C6orf89: variants seen among roughly 807,000 people sequenced by gnomAD.
C6orf89 encodes chromosome 6 open reading frame 89, also known as bombesin receptor-activated protein C6orf89.
A neutral mutation model predicts 40.7 loss-of-function variants in C6orf89; 29 were observed. The ratio of observed to expected loss-of-function variants is 0.71; its 90% confidence interval spans 0.53 to 0.97. The LOEUF is 0.97. Ranked by LOEUF, C6orf89 falls within the 50% of genes least tolerant of loss-of-function variation. The probability of loss-of-function intolerance (pLI) is 0.00; values close to 1 mark genes in which losing one functional copy is unlikely to be tolerated. For synonymous variants in C6orf89, 165 were observed against 152.2 expected, an observed-to-expected ratio of 1.08 and a Z score of -0.62; for missense variants, 392 against 429.1, an observed-to-expected ratio of 0.91 and a Z score of 0.76.
rs1239476567 is a variant in C6orf89, at chr6:36,928,636, A to G, written c.*5195A>G. ...CACCCTGGGGAAGGGTCAGTAACCA[A>G]TGCCGAGGGTCGGGGAAGGAGGAGT... On this transcript the variant is annotated 3_prime_UTR_variant, in exon 9 of 9. Coordinates refer to ENST00000480824, the MANE Select transcript of C6orf89 (RefSeq NM_001286635.2). 1 of 152,248 alleles carries G rather than the reference A, an allele frequency of 6.6e-6. No homozygotes were observed. The highest frequency in any genetic ancestry group is 1.5e-5 in the Non-Finnish European group (1 of 68,106). 9.4% of individuals were successfully genotyped at this position (152,248 alleles called of 1,614,324 possible). A position where few individuals can be genotyped will look rare whatever the true frequency, so the allele number is the denominator to read the frequency against.
intron 1 of C6orf89, among the ~76,000 whole-genome samples, chr6:36,889,582 CA>C (rs58417436): frequency 4.5e-4 from 63 of 140,288 alleles, no homozygotes; most frequent in Admixed American, 5.0e-4. Context: ...AAAACAAAAA[CA>C]AAAAAAAAAA....
chr6:36,874,702 C>G (rs202058478), intron 1 of C6orf89: 41 of 1,613,736 alleles, frequency 2.5e-5, no homozygotes. Flanking sequence ...GCCCCAGACG[C>G]CCGAACCCCC....
At chr6:36,914,760 C>T (rs1358262511) in intron 6 of C6orf89, 67 bp downstream of exon 6, 37 of 1,571,524 alleles carry the variant, frequency 2.4e-5, no homozygotes, top group African/African-American at 9.5e-5. Context: ...GAGGCCGAGG[C>T]AGGCAGATCA....
chr6:36,895,477 C>G (rs1003355474), intron 2 of C6orf89, among the ~76,000 whole-genome samples: 103 of 152,230 alleles, frequency 6.8e-4, no homozygotes, highest in African/African-American at 2.2e-3. Flanking sequence ...AAGTCACTTC[C>G]CATCTGGAAA....
At chr6:36,919,556 C>G (rs758430213) in intron 7 of C6orf89, 22 bp from the exon 8 acceptor site, 15 of 1,600,630 alleles carry the variant, frequency 9.4e-6, no homozygotes, top group Middle Eastern at 1.7e-4. Flanking sequence ...CCTTTTCCTC[C>G]CCTCCTCATT....
intron 4 of C6orf89, among the ~76,000 whole-genome samples, chr6:36,904,702 G>A (rs996071912): frequency 4.6e-5 from 7 of 152,162 alleles, no homozygotes; most frequent in Non-Finnish European, 7.3e-5. Context: ...CTTCAGGTTA[G>A]GATTAGTTGG....
Position 36,916,471 on chromosome 6 carries a change from T to C in C6orf89, c.722T>C (p.Met241Thr). The change falls in exon 7 of 9, where the codon ATG (methionine) becomes ACG (threonine). Residue 241 changes from methionine to threonine, a missense_variant. Coordinates refer to ENST00000480824, the MANE Select transcript of C6orf89 (RefSeq NM_001286635.2). ...AGGAGACCTCTGAACAGATCACAAA[T>C]GTTACGTGAGCTTTTTCCTGTTTTC... ...PWRRPLNRSQ[M>T]LRELFPVFTH... The C allele has an allele frequency of 6.2e-7, 1 of 1,614,226 alleles. No homozygotes were observed. The highest frequency in any genetic ancestry group is 8.5e-7 in the Non-Finnish European group (1 of 1,180,048).
chr6:36,877,840 A>G (rs148672984), intron 1 of C6orf89, among the ~76,000 whole-genome samples: 1 of 151,792 alleles, frequency 6.6e-6, no homozygotes, highest in East Asian at 1.9e-4. Flanking sequence ...CCTCTTTGTG[A>G]TACCTTTTTG....
At chr6:36,874,618 A>C in intron 1 of C6orf89, 1 of 1,489,832 alleles carries the variant, frequency 6.7e-7, no homozygotes, top group South Asian at 1.2e-5. Context: ...CTCCACGTGG[A>C]GGCCGGCCTC....
At position 36,926,673 on chromosome 6, in the gene C6orf89, C is replaced by T. The variant is rs544292905; in HGVS notation, c.*3232C>T. 6.6e-6 allele frequency: 1 copy of T among 152,140 alleles called. No individual in the cohort carries two copies. Among genetic ancestry groups the T allele is most frequent in the Non-Finnish European group, 1.5e-5 (1 of 67,998 alleles). 9.4% of individuals were successfully genotyped at this position (152,140 alleles called of 1,614,324 possible). A position where few individuals can be genotyped will look rare whatever the true frequency, so the allele number is the denominator to read the frequency against. ...GAGAGAAAGGAATAATAGCATTTGT[C>T]TAGTACATTCCAGTTTACAAAGTGC... On this transcript the variant is annotated 3_prime_UTR_variant, in exon 9 of 9. Coordinates refer to ENST00000480824, the MANE Select transcript of C6orf89 (RefSeq NM_001286635.2).
Position 36,886,090 on chromosome 6 carries a change from C to G in C6orf89, c.-120+62C>G, listed in dbSNP as rs1414149246. The G allele has an allele frequency of 8.1e-6, 10 of 1,229,692 alleles. No homozygotes were observed. In the South Asian group the frequency reaches 3.4e-4, roughly 42 times the overall value. The allele number at this position is 1,229,692 out of a possible 1,614,324, so 76.2% of individuals were successfully genotyped here. On this transcript the variant is annotated intron_variant, in intron 1 of 8. Transcript: ENST00000480824. ...CCGCCCTGTGACAGCCTCGCCGCGC[C>G]CGTCTCTGACATCCTCGCGCAGCCG...
chr6:36,876,710 G>A (rs1293589400), intron 1 of C6orf89, among the ~76,000 whole-genome samples: 1 of 135,938 alleles, frequency 7.4e-6, no homozygotes, highest in Non-Finnish European at 1.6e-5. Flanking sequence ...CACAACAAAA[G>A]TGAAACTCCA....
At chr6:36,903,932 G>C (rs1761826639) in intron 4 of C6orf89, among the ~76,000 whole-genome samples, 1 of 151,734 alleles carries the variant, frequency 6.6e-6, no homozygotes, top group East Asian at 1.9e-4. Context: ...TGGGAAGGTT[G>C]CTTTTGAAAT....
intron 5 of C6orf89, 45 bp downstream of exon 5, chr6:36,914,480 A>G (rs1561873627): frequency 6.2e-7 from 1 of 1,612,890 alleles, no homozygotes; most frequent in Admixed American, 1.7e-5. Context: ...GCTTGCTTAA[A>G]GGCTAGGTCA....
At chr6:36,873,926 G>C (rs1008680064) in intron 1 of C6orf89, among the ~76,000 whole-genome samples, 1 of 152,172 alleles carries the variant, frequency 6.6e-6, no homozygotes, top group African/African-American at 2.4e-5. Context: ...CGTTATTAAA[G>C]GTTTTTTGAG....
At chr6:36,874,622 C>A in intron 1 of C6orf89, 2 of 1,511,366 alleles carry the variant, frequency 1.3e-6, no homozygotes, top group Non-Finnish European at 1.8e-6. Context: ...ACGTGGAGGC[C>A]GGCCTCCCGG....
chr6:36,922,436 G>A (rs1762545171), intron 8 of C6orf89, among the ~76,000 whole-genome samples: 1 of 152,170 alleles, frequency 6.6e-6, no homozygotes. Flanking sequence ...AAAGGTTGAA[G>A]TTTTTAGGTT....
At chr6:36,889,663 A>G (rs1018342440) in intron 1 of C6orf89, among the ~76,000 whole-genome samples, 1 of 152,138 alleles carries the variant, frequency 6.6e-6, no homozygotes, top group Non-Finnish European at 1.5e-5. Context: ...GCCAAATTCA[A>G]TGTGTGGTCA....
Position 36,890,529 on chromosome 6 carries a change from TA to T in C6orf89, c.-119-3965del, listed in dbSNP as rs202199011. 1.3e-3 allele frequency among the ~76,000 whole-genome samples: 180 copies of T among 142,776 alleles called. 2 individuals carry two copies. The highest frequency in any genetic ancestry group is 6.9e-3 in the East Asian group (32 of 4,626). The allele number at this position is 142,776 out of a possible 152,430, so 93.7% of individuals were successfully genotyped here. A position where few individuals can be genotyped will look rare whatever the true frequency, so the allele number is the denominator to read the frequency against. On this transcript the variant is annotated intron_variant, in intron 1 of 8. Transcript: ENST00000480824. ...TTCCATTGTATGTATATACTACATTTAAAAAAAAAATTTTATTCTTTTGACA... is the reference window on the plus strand; with the variant it reads ...TTCCATTGTATGTATATACTACATTTAAAAAAAAATTTTATTCTTTTGACA...
Sources: gnomAD v4.1 joint callset for allele counts (sites outside exome capture counted in the v4.1 genomes callset) on GRCh38, gnomAD v4.1.1 for gene constraint, MANE v1.5 for transcripts, NCBI Gene and HGNC (gene_info 2026-07-23, HGNC 2026-07-21) for gene names.